Variants in CCDC170 observed in about 807,000 individuals in gnomAD.
CCDC170 encodes the protein coiled-coil domain containing 170, also known as coiled-coil domain-containing protein 170.
CCDC170 carries 69 observed loss-of-function variants against 72.6 expected under a neutral mutation model. The ratio of observed to expected loss-of-function variants is 0.95; its 90% CI spans 0.78 to 1.16. CCDC170 has a LOEUF of 1.16. Ranked by LOEUF, CCDC170 falls within the 50% of genes most tolerant of loss-of-function variation. CCDC170 has a pLI of 0.00. For missense variants in CCDC170, 852 were observed against 832.5 expected, an observed-to-expected ratio of 1.02 and a Z score of -0.29; for synonymous variants, 300 against 303.9, an observed-to-expected ratio of 0.99 and a Z score of 0.13.
At chr6:151,519,498 A>G (rs977378171) in intron 1 of CCDC170, among the ~76,000 whole-genome samples, 5 of 152,230 alleles carry the variant, frequency 3.3e-5, no homozygotes, top group African/African-American at 9.6e-5. Flanking sequence ...AGATAACACA[A>G]TAGTGGTCCT....
chr6:151,536,492 T>A, intron 2 of CCDC170, 46 bp downstream of exon 2: 1 of 1,604,470 alleles, frequency 6.2e-7, no homozygotes, highest in South Asian at 1.1e-5. Flanking sequence ...CTTCTTAGCT[T>A]CTTATAAAAT....
intron 9 of CCDC170, among the ~76,000 whole-genome samples, chr6:151,597,303 T>A (rs7772102): frequency 0.012 from 1,899 of 152,212 alleles, 42 homozygotes; most frequent in African/African-American, 0.043. Flanking sequence ...TTTTTTTGTA[T>A]TTTTAGTAGA....
At chr6:151,559,256 C>T (rs1252498315) in intron 5 of CCDC170, among the ~76,000 whole-genome samples, 1 of 152,132 alleles carries the variant, frequency 6.6e-6, no homozygotes, top group African/African-American at 2.4e-5. Flanking sequence ...AAGTGATCCA[C>T]CTGCCCTGAC....
intron 9 of CCDC170, among the ~76,000 whole-genome samples, chr6:151,602,541 G>A (rs1776724285): frequency 6.6e-6 from 1 of 152,094 alleles, no homozygotes. Context: ...CATGTATTGA[G>A]GGAGGGAGGT....
chr6:151,572,653 T>TTTTTTTTTTTTTTTG (rs1776237540), intron 5 of CCDC170, among the ~76,000 whole-genome samples: 10 of 100,500 alleles, frequency 1.0e-4, no homozygotes, highest in Admixed American at 2.3e-4. Flanking sequence ...CTCTGTGTTT[T>TTTTTTTTTTTTTTTG]TTTTTTTTTT....
chr6:151,614,903 GCTGT>G (rs1776933688), intron 9 of CCDC170, among the ~76,000 whole-genome samples: 1 of 152,160 alleles, frequency 6.6e-6, no homozygotes, highest in Non-Finnish European at 1.5e-5. Context: ...CACAGTTGCA[GCTGT>G]TCACCTCCCA....
At chr6:151,556,146 T>C (rs1001641704) in intron 5 of CCDC170, among the ~76,000 whole-genome samples, 5 of 152,074 alleles carry the variant, frequency 3.3e-5, no homozygotes, top group African/African-American at 1.2e-4. Flanking sequence ...TTTAGTTCTT[T>C]TGAAAATTAC....
Position 151,618,652 on chromosome 6 carries a change from C to T in CCDC170, c.*505C>T, listed in dbSNP as rs570644409. 1.3e-5 allele frequency: 2 copies of T among 159,596 alleles called. No individual in the cohort carries two copies. The highest frequency in any genetic ancestry group is 3.5e-4 in the South Asian group (2 of 5,652). The allele number at this position is 159,596 out of a possible 1,614,324, so 9.9% of individuals were successfully genotyped here. A position where few individuals can be genotyped will look rare whatever the true frequency, so the allele number is the denominator to read the frequency against. On this transcript the variant is annotated 3_prime_UTR_variant, in exon 11 of 11. Coordinates refer to ENST00000239374, the MANE Select transcript of CCDC170 (RefSeq NM_025059.4). ...TCCTGCTATGCAGAATCTGTTTCTCCTGAATCTCTGTGATGCTGGTGGGAA... is the reference window on the plus strand; with the variant it reads ...TCCTGCTATGCAGAATCTGTTTCTCTTGAATCTCTGTGATGCTGGTGGGAA...
intron 8 of CCDC170, among the ~76,000 whole-genome samples, chr6:151,595,930 A>G (rs1776614768): frequency 6.6e-6 from 1 of 152,208 alleles, no homozygotes; most frequent in South Asian, 2.1e-4. Flanking sequence ...ATTGTATCTT[A>G]TTTCAGAAAA....
intron 1 of CCDC170, among the ~76,000 whole-genome samples, chr6:151,496,565 A>G (rs1259600293): frequency 6.6e-6 from 1 of 152,234 alleles, no homozygotes; most frequent in Non-Finnish European, 1.5e-5. Flanking sequence ...AGATGAGGAA[A>G]TAGCTTACTG....
rs551348681 is a variant in CCDC170 at position 151,608,233 on chromosome 6, A to G, written c.1711-7210A>G. On this transcript the variant is annotated intron_variant, in intron 9 of 10. Coordinates refer to ENST00000239374, the MANE Select transcript of CCDC170 (RefSeq NM_025059.4). ...CTTATTCAGATCATGATTTTTTCTT[A>G]TTTCATTGAATTATCTCTTTTATTT... is the stretch of plus-strand genomic sequence containing the variant. 5.3e-5 allele frequency among the ~76,000 whole-genome samples: 8 copies of G among 151,856 alleles called. 1 individual carries two copies. In the South Asian group the frequency reaches 6.2e-4, roughly 12 times the overall value.
At chr6:151,564,201 G>A (rs564828511) in intron 5 of CCDC170, among the ~76,000 whole-genome samples, 1 of 152,328 alleles carries the variant, frequency 6.6e-6, no homozygotes, top group East Asian at 1.9e-4. Flanking sequence ...TGTGATGTTG[G>A]TTGGGTAGGG....
At chr6:151,556,526 T>A (rs1782978529) in intron 5 of CCDC170, among the ~76,000 whole-genome samples, 1 of 152,226 alleles carries the variant, frequency 6.6e-6, no homozygotes, top group Non-Finnish European at 1.5e-5. Context: ...GATTCATCAA[T>A]TTGAGGCAGT....
At chr6:151,599,172 A>C (rs1390020031) in intron 9 of CCDC170, among the ~76,000 whole-genome samples, 1 of 152,242 alleles carries the variant, frequency 6.6e-6, no homozygotes, top group African/African-American at 2.4e-5. Context: ...TTGGGGCTTT[A>C]GAGAACAATA....
At chr6:151,601,024 G>A (rs1024128223) in intron 9 of CCDC170, among the ~76,000 whole-genome samples, 2 of 152,274 alleles carry the variant, frequency 1.3e-5, no homozygotes, top group Non-Finnish European at 2.9e-5. Flanking sequence ...TTTTGTATTA[G>A]TCTGTTTTCC....
chr6:151,496,641 C>A (rs968702768), intron 1 of CCDC170, among the ~76,000 whole-genome samples: 1 of 152,040 alleles, frequency 6.6e-6, no homozygotes, highest in Non-Finnish European at 1.5e-5. Flanking sequence ...TCCTACCATG[C>A]CAGACTGAAA....
At chr6:151,513,136 T>C (rs1221747882) in intron 1 of CCDC170, among the ~76,000 whole-genome samples, 2 of 151,870 alleles carry the variant, frequency 1.3e-5, no homozygotes, top group Non-Finnish European at 2.9e-5. Context: ...CGCGGGAGAG[T>C]AGTCAACTTA....
Position 151,523,089 on chromosome 6 carries a change from A to T in CCDC170, c.58-13229A>T, listed in dbSNP as rs569797927. 1.2e-4 allele frequency among the ~76,000 whole-genome samples: 18 copies of T among 152,290 alleles called. 1 individual carries two copies. In the South Asian group the frequency reaches 3.5e-3, roughly 30 times the overall value. On this transcript the variant is annotated intron_variant, in intron 1 of 10. Transcript: ENST00000239374. Reference sequence around the variant, plus strand: ...TTCTGCTAAAGTGAGACATGGGAAGATTACATACTGCTACAATTTCCCACT... The same window carrying T: ...TTCTGCTAAAGTGAGACATGGGAAGTTTACATACTGCTACAATTTCCCACT...
At chr6:151,539,439 C>T (rs970764203) in intron 3 of CCDC170, among the ~76,000 whole-genome samples, 16 of 152,084 alleles carry the variant, frequency 1.1e-4, no homozygotes, top group Admixed American at 2.0e-4. Context: ...TTCTTTGAAC[C>T]GTTTTCTTCT....
Sources: gnomAD v4.1 joint callset for allele counts (sites outside exome capture counted in the v4.1 genomes callset) on GRCh38, gnomAD v4.1.1 for gene constraint, MANE v1.5 for transcripts, NCBI Gene and HGNC (gene_info 2026-07-23, HGNC 2026-07-21) for gene names.